The following DMXL2 variants were observed in gnomAD, a reference collection of about 807,000 sequenced individuals.
DMXL2 encodes dmX-like protein 2.
In DMXL2, 103 loss-of-function variants were observed where a neutral mutation model predicts 331.1. The observed-to-expected ratio is 0.31, with a 90% CI of 0.27 to 0.37. The LOEUF (loss-of-function observed/expected upper bound fraction) is 0.37. DMXL2 is among the 10% of genes least tolerant of loss of function. The pLI is 1.00. For missense variants in DMXL2, 3,171 were observed against 3,642.9 expected (o/e 0.87, Z 3.33); for synonymous variants, 1,281 against 1,252.1 (o/e 1.02, Z -0.49).
At chr15:51,606,979 G>A (rs780301514) in intron 1 of DMXL2, among the ~76,000 whole-genome samples, 2 of 151,956 alleles carry the variant, frequency 1.3e-5, no homozygotes, top group Non-Finnish European at 2.9e-5. Flanking sequence ...CCAACATGGC[G>A]AAACCCTGTC....
chr15:51,457,244 T>C, intron 37 of DMXL2, 84 bp downstream of exon 37: 5 of 1,415,964 alleles, frequency 3.5e-6, no homozygotes, highest in Non-Finnish European at 4.8e-6. Flanking sequence ...CCCTGAAATT[T>C]AGGATCATTC....
intron 13 of DMXL2, among the ~76,000 whole-genome samples, chr15:51,529,619 T>C (rs184539583): frequency 1.6e-3 from 248 of 152,126 alleles, no homozygotes; most frequent in Non-Finnish European, 3.0e-3. Flanking sequence ...TAATAAATAG[T>C]CTCTAAGTAA....
At chr15:51,451,388 C>T (rs1202110861) in intron 42 of DMXL2, among the ~76,000 whole-genome samples, 1 of 152,184 alleles carries the variant, frequency 6.6e-6, no homozygotes, top group Non-Finnish European at 1.5e-5. Context: ...TTAGTAGTAC[C>T]ACTATCCATA....
At chr15:51,601,853 G>A (rs1488839025) in intron 1 of DMXL2, among the ~76,000 whole-genome samples, 1 of 152,164 alleles carries the variant, frequency 6.6e-6, no homozygotes, top group East Asian at 1.9e-4. Context: ...TTTTACAGTA[G>A]TGAATCTTCC....
At chr15:51,490,929 GT>G (rs11316046) in intron 20 of DMXL2, among the ~76,000 whole-genome samples, 1,764 of 152,254 alleles carry the variant, frequency 0.012, 27 homozygotes, top group East Asian at 0.026. Flanking sequence ...TATAAAAAGA[GT>G]TTTTTAATGT....
chr15:51,555,801 A>G (rs2049526332), intron 6 of DMXL2, among the ~76,000 whole-genome samples: 1 of 152,184 alleles, frequency 6.6e-6, no homozygotes, highest in Non-Finnish European at 1.5e-5. Flanking sequence ...TGACATACAA[A>G]AGAAAAAGAA....
Position 51,545,595 on chromosome 15 carries a change from C to G in DMXL2, c.918G>C (p.Gln306His). ...SHAGRHKDRI[Q>H]HALETIHHLK... ...AATAATATAATACCTCAAGAGCATGCTGTATTCTGTCTTTGTGTCTTCCAG... is the reference window on the plus strand; with the variant it reads ...AATAATATAATACCTCAAGAGCATGGTGTATTCTGTCTTTGTGTCTTCCAG... The change falls in exon 8 of 44, where the codon CAG (glutamine) becomes CAC (histidine). Residue 306 changes from glutamine (Q) to histidine (H), a missense_variant. This residue lies in a region of DMXL2 where 1,674 missense variants were observed against 1,780.2 expected (regional missense o/e 0.94). Coordinates refer to ENST00000560891, the MANE Select transcript of DMXL2 (RefSeq NM_001378457.1). 1 of 1,612,968 alleles carries G rather than the reference C, an allele frequency of 6.2e-7. No individual in the cohort carries two copies. The highest frequency in any genetic ancestry group is 2.2e-5 in the East Asian group (1 of 44,856).
In DMXL2 at chr15:51,449,048, G is replaced by A. The variant is rs761110601; in HGVS notation, c.9113C>T (p.Thr3038Met). 17 of 1,614,032 alleles carry A rather than the reference G, an allele frequency of 1.1e-5. No homozygotes were observed. Among genetic ancestry groups the A allele is most frequent in the East Asian group, 8.9e-5 (4 of 44,900 alleles). Residue 3038 changes from threonine (T) to methionine (M), a missense_variant, in exon 44 of 44, where the codon ACG (threonine) becomes ATG (methionine). Physicochemically the swap from Thr to Met is moderately conservative, Grantham distance 81 (BLOSUM62 -1). This residue lies in a region of DMXL2 where 766 missense variants were observed against 940.5 expected (regional missense o/e 0.81). Transcript: ENST00000560891. ...NRLFSCGADG[T>M]LKTRVLPNAF... ...ATTGGGCAAAACCCTGGTTTTCAGC[G>A]TGCCATCTGCACCACAGGAGAAGAG...
In DMXL2 at chr15:51,478,339, T is replaced by G. The variant is rs2041747788; in HGVS notation, c.6765A>C (p.Thr2255=). 6.2e-7 allele frequency: 1 copy of G among 1,613,170 alleles called. No homozygotes were observed. Among genetic ancestry groups the G allele is most frequent in the Non-Finnish European group, 8.5e-7 (1 of 1,179,408 alleles). The change falls in exon 26 of 44, where the codon ACA becomes ACC. Residue 2255 remains threonine, a synonymous_variant. Transcript: ENST00000560891. ...AAAGTGATGCTGCTAGTGAATGAAG[T>G]GTGTGCACCTAAAACCAAAACAGTC... ...HPSIEDVKVH[T]LHSLAASLSA...
At position 51,580,799 on chromosome 15, in the gene DMXL2, CA is replaced by C. The variant is rs922416616; in HGVS notation, c.88-4619del. ...ATTCTGTAGCATAAGCTGTTACATC[CA>C]AAAAAAACTTTAAAAATATTAACCC... On this transcript the variant is annotated intron_variant, in intron 1 of 43. Transcript: ENST00000560891. 2.7e-5 allele frequency among the ~76,000 whole-genome samples: 4 copies of C among 150,912 alleles called. No individual in the cohort carries two copies. The South Asian group carries it at 6.2e-4, about 24-fold the overall frequency.
At chr15:51,494,786 A>G (rs2043055606) in intron 19 of DMXL2, among the ~76,000 whole-genome samples, 1 of 152,196 alleles carries the variant, frequency 6.6e-6, no homozygotes, top group Admixed American at 6.5e-5. Context: ...TTACCCCCTA[A>G]GCTACTACTC....
At chr15:51,558,223 C>T (rs1476515058) in intron 6 of DMXL2, among the ~76,000 whole-genome samples, 2 of 152,176 alleles carry the variant, frequency 1.3e-5, no homozygotes, top group African/African-American at 4.8e-5. Context: ...GAGATTCAAG[C>T]TTCTTAATAC....
At chr15:51,619,131 G>A (rs1183974589) in intron 1 of DMXL2, among the ~76,000 whole-genome samples, 1 of 152,128 alleles carries the variant, frequency 6.6e-6, no homozygotes, top group African/African-American at 2.4e-5. Flanking sequence ...CATAAATAAT[G>A]AGAAATTTAC....
Position 51,488,146 on chromosome 15 carries a change from G to A in DMXL2, c.5052-27C>T, listed in dbSNP as rs531883926. On this transcript the variant is annotated intron_variant, in intron 21 of 43. Transcript: ENST00000560891. ...TGGGGACCGAGCATAAACATAAAGT[G>A]GTTAAACCAAATTTAAAATGTTCTA... 146 of 1,527,184 alleles carry A rather than the reference G, an allele frequency of 9.6e-5. No individual in the cohort carries two copies. The South Asian group carries it at 1.6e-3, about 17-fold the overall frequency. 94.6% of individuals were successfully genotyped at this position (1,527,184 alleles called of 1,614,324 possible).
At chr15:51,521,040 A>G (rs745375833) in intron 13 of DMXL2, among the ~76,000 whole-genome samples, 7 of 152,168 alleles carry the variant, frequency 4.6e-5, no homozygotes, top group Admixed American at 2.6e-4. Context: ...TTTTTATAAA[A>G]ACATTCACGT....
chr15:51,540,766 T>A (rs1470543567), intron 9 of DMXL2, among the ~76,000 whole-genome samples: 1 of 152,212 alleles, frequency 6.6e-6, no homozygotes, highest in African/African-American at 2.4e-5. Context: ...TAAACATTTT[T>A]AACAAAATTG....
In DMXL2 at chr15:51,498,692, G is replaced by C. The variant is rs747507458; in HGVS notation, c.4532C>G (p.Ala1511Gly). 1 of 1,614,122 alleles carries C rather than the reference G, an allele frequency of 6.2e-7. No homozygotes were observed. Reference sequence around the variant, plus strand: ...CATAAGATGACTTGAAAGTACCCTTGCATGTTCTTGGCCAAAGTAAGCTGG... The same window carrying C: ...CATAAGATGACTTGAAAGTACCCTTCCATGTTCTTGGCCAAAGTAAGCTGG... ...YGPAYFGQEH[A>G]RVLSSHLMHS... Residue 1511 changes from alanine (A) to glycine (G), a missense_variant, in exon 18 of 44, where the codon GCA becomes GGA. Physicochemically the swap from Ala to Gly is moderately conservative, Grantham distance 60. Transcript: ENST00000560891.
At chr15:51,508,775 ACT>A (rs2046570889) in intron 15 of DMXL2, among the ~76,000 whole-genome samples, 2 of 152,234 alleles carry the variant, frequency 1.3e-5, no homozygotes, top group Non-Finnish European at 2.9e-5. Flanking sequence ...TCCAAAAAGA[ACT>A]GTTTTTCAAA....
intron 13 of DMXL2, among the ~76,000 whole-genome samples, chr15:51,519,700 T>C (rs1348251817): frequency 7.1e-6 from 1 of 140,362 alleles, no homozygotes; most frequent in Non-Finnish European, 1.5e-5. Context: ...TGAAATGCAA[T>C]GGCATGGTCT....
Sources: allele counts gnomAD v4.1 joint callset (sites outside exome capture counted in the v4.1 genomes callset), GRCh38; gene constraint gnomAD v4.1.1; regional missense constraint gnomAD v4.1.1; transcripts MANE v1.5; gene names NCBI Gene and HGNC (gene_info 2026-07-23, HGNC 2026-07-21).